The following C7orf33 variants were observed in gnomAD, a reference collection of about 807,000 sequenced individuals.
C7orf33 encodes the protein uncharacterized protein C7orf33.
In C7orf33, 15 loss-of-function variants were observed where a neutral mutation model predicts 13.4. That is an observed-to-expected ratio of 1.12 (90% confidence interval 0.75 to 1.72). The LOEUF is 1.72. C7orf33 is among the 40% of genes most tolerant of loss of function. The probability of loss-of-function intolerance (pLI) is 0.00; values close to 1 mark genes in which losing one functional copy is unlikely to be tolerated. For synonymous variants in C7orf33, 73 were observed against 83.2 expected (o/e 0.88, Z 0.67); for missense variants, 187 against 220.3 (o/e 0.85, Z 0.96).
At chr7:148,606,511 A>T (rs1461408066) in intron 1 of C7orf33, among the ~76,000 whole-genome samples, 2 of 152,242 alleles carry the variant, frequency 1.3e-5, no homozygotes, top group Admixed American at 1.3e-4. Flanking sequence ...ACAAAAAAAA[A>T]TATGCAGCAG....
chr7:148,602,413 A>T (rs1228555700), intron 1 of C7orf33, among the ~76,000 whole-genome samples: 1 of 152,150 alleles, frequency 6.6e-6, no homozygotes, highest in African/African-American at 2.4e-5. Context: ...CCTAGCCAAC[A>T]TAGTGAAACC....
intron 1 of C7orf33, among the ~76,000 whole-genome samples, chr7:148,592,519 T>TC (rs34329228): frequency 0.076 from 11,551 of 151,092 alleles, 574 homozygotes; most frequent in South Asian, 0.26. Context: ...AGATAGGATT[T>TC]TTTTTTTTTT....
chr7:148,602,324 G>A (rs1267825774), intron 1 of C7orf33, among the ~76,000 whole-genome samples: 3 of 151,938 alleles, frequency 2.0e-5, no homozygotes, highest in East Asian at 1.9e-4. Flanking sequence ...GGTGGGTCAC[G>A]GTGGCTCAGA....
chr7:148,604,482 G>A (rs1417511650), intron 1 of C7orf33, among the ~76,000 whole-genome samples: 1 of 152,138 alleles, frequency 6.6e-6, no homozygotes, highest in Non-Finnish European at 1.5e-5. Context: ...AACATCATAT[G>A]TTCTCACTTA....
chr7:148,615,113 AT>A (rs1242344276), intron 2 of C7orf33, among the ~76,000 whole-genome samples: 12 of 152,010 alleles, frequency 7.9e-5, no homozygotes, highest in African/African-American at 2.9e-4. Flanking sequence ...TAATTTTTAT[AT>A]TTTTGGTAGA....
At chr7:148,597,761 TTTG>T (rs1554448364) in intron 1 of C7orf33, among the ~76,000 whole-genome samples, 1 of 150,416 alleles carries the variant, frequency 6.6e-6, no homozygotes, top group Non-Finnish European at 1.5e-5. Flanking sequence ...TTTGTTTTGT[TTTG>T]TTTTGTTTTG....
At chr7:148,609,547 A>C (rs768685000) in intron 1 of C7orf33, among the ~76,000 whole-genome samples, 2 of 152,210 alleles carry the variant, frequency 1.3e-5, no homozygotes, top group Admixed American at 6.5e-5. Flanking sequence ...ATCTATACTG[A>C]CATCTTCATC....
intron 1 of C7orf33, among the ~76,000 whole-genome samples, chr7:148,612,275 T>A (rs1338729998): frequency 6.6e-6 from 1 of 152,188 alleles, no homozygotes. Context: ...ATCTTCTAAG[T>A]GTGGCATTAA....
intron 1 of C7orf33, 62 bp downstream of exon 1, chr7:148,591,191 T>C (rs572639978): frequency 1.5e-6 from 2 of 1,336,682 alleles, no homozygotes; most frequent in Non-Finnish European, 2.1e-6. Context: ...CTCTTGAGAA[T>C]TCATTCACTC....
chr7:148,599,447 G>C (rs1184951500), intron 1 of C7orf33, among the ~76,000 whole-genome samples: 1 of 151,110 alleles, frequency 6.6e-6, no homozygotes, highest in African/African-American at 2.4e-5. Context: ...TGGAAGGCCA[G>C]GTTCAAATTT....
intron 1 of C7orf33, 85 bp downstream of exon 1, chr7:148,591,214 T>C (rs1382478229): frequency 8.8e-7 from 1 of 1,135,918 alleles, no homozygotes; most frequent in African/African-American, 1.5e-5. Flanking sequence ...TCCATGAATG[T>C]TTTTGACTCT....
chr7:148,598,757 TATATATAGAGAGAGAGAGAG>T (rs1380546441), intron 1 of C7orf33, among the ~76,000 whole-genome samples: 106 of 41,302 alleles, frequency 2.6e-3, no homozygotes, highest in African/African-American at 5.2e-3. Flanking sequence ...TATATATATA[TATATATAGAGAGAGAGAGAG>T]AGAGAGAGAG....
chr7:148,598,779 G>T lies in C7orf33; in HGVS notation c.204+7650G>T, dbSNP rs1328214010. On this transcript the variant is annotated intron_variant, in intron 1 of 2. Transcript: ENST00000307003. ...ATATATATATAGAGAGAGAGAGAGA[G>T]AGAGAGAGAGAGAGAGAGAGAGAGA... Among the ~76,000 whole-genome samples the T allele has an allele frequency of 3.4e-3, 386 of 112,252 alleles. 1 individual carries two copies. The highest frequency in any genetic ancestry group is 4.2e-3 in the Non-Finnish European group (239 of 56,738). 73.6% of individuals were successfully genotyped at this position (112,252 alleles called of 152,430 possible).
chr7:148,614,910 C>A (rs915775098), intron 2 of C7orf33, among the ~76,000 whole-genome samples: 2 of 152,158 alleles, frequency 1.3e-5, no homozygotes, highest in African/African-American at 4.8e-5. Flanking sequence ...AAATCTTTGA[C>A]ATAAATGAAA....
rs1796266692 is a variant in C7orf33, at chr7:148,591,265, A to G, written c.204+136A>G. ...GAACTGGGCTTAACGACATTGAAGTAAAGAGAGAGACAGAGATTAATTCAC... is the reference window on the plus strand; with the variant it reads ...GAACTGGGCTTAACGACATTGAAGTGAAGAGAGAGACAGAGATTAATTCAC... On this transcript the variant is annotated intron_variant, in intron 1 of 2. Transcript: ENST00000307003. The G allele has an allele frequency of 5.3e-6, 4 of 750,308 alleles. No homozygotes were observed. In the South Asian group the frequency reaches 6.4e-5, roughly 12 times the overall value. 46.5% of individuals were successfully genotyped at this position (750,308 alleles called of 1,614,324 possible).
At chr7:148,596,892 T>C (rs563801811) in intron 1 of C7orf33, among the ~76,000 whole-genome samples, 1 of 152,330 alleles carries the variant, frequency 6.6e-6, no homozygotes, top group South Asian at 2.1e-4. Flanking sequence ...CAGAATGTCA[T>C]ATATAGTTGG....
chr7:148,597,191 T>C (rs1240300729), intron 1 of C7orf33, among the ~76,000 whole-genome samples: 5 of 151,332 alleles, frequency 3.3e-5, no homozygotes, highest in Admixed American at 6.6e-5. Flanking sequence ...TATATACACA[T>C]ATATATAATA....
chr7:148,606,951 C>CACACACAA (rs1426413432), intron 1 of C7orf33, among the ~76,000 whole-genome samples: 1 of 151,618 alleles, frequency 6.6e-6, no homozygotes, highest in Non-Finnish European at 1.5e-5. Flanking sequence ...CACACACACA[C>CACACACAA]ACACACACAC....
At chr7:148,603,608 G>C (rs1221807541) in intron 1 of C7orf33, among the ~76,000 whole-genome samples, 1 of 152,088 alleles carries the variant, frequency 6.6e-6, no homozygotes, top group Non-Finnish European at 1.5e-5. Flanking sequence ...TGGAAGAGGA[G>C]GCATCTATTG....
Sources: allele counts gnomAD v4.1 joint callset (sites outside exome capture counted in the v4.1 genomes callset), GRCh38; gene constraint gnomAD v4.1.1; transcripts MANE v1.5; gene names NCBI Gene and HGNC (gene_info 2026-07-23, HGNC 2026-07-21).